Variants in FAM117B observed in about 807,000 individuals in gnomAD.
FAM117B encodes the protein family with sequence similarity 117 member B.
Under a neutral mutation model 52.8 loss-of-function variants are expected in FAM117B, and 22 were observed. The observed-to-expected ratio is 0.42, with a 90% confidence interval of 0.30 to 0.59. The LOEUF (loss-of-function observed/expected upper bound fraction) is 0.59. Ranked by LOEUF, FAM117B falls within the 20% of genes least tolerant of loss-of-function variation. The pLI is 0.22. For synonymous variants in FAM117B, 309 were observed against 324.1 expected (o/e 0.95, Z 0.50); for missense variants, 678 against 802.6 (o/e 0.84, Z 1.88).
intron 2 of FAM117B, among the ~76,000 whole-genome samples, chr2:202,713,609 A>G (rs1690990181): frequency 6.6e-6 from 1 of 151,816 alleles, no homozygotes; most frequent in Non-Finnish European, 1.5e-5. Context: ...TAGGTTGTTT[A>G]TTTCAAGTTT....
chr2:202,725,978 G>A (rs1031092378), intron 3 of FAM117B, among the ~76,000 whole-genome samples: 9 of 152,138 alleles, frequency 5.9e-5, no homozygotes, highest in Middle Eastern at 3.4e-3. Flanking sequence ...TTAATTCTTC[G>A]TGAAAACTGT....
chr2:202,642,344 A>AATATATATATATATATATATATATAT (rs59347439), intron 1 of FAM117B, among the ~76,000 whole-genome samples: 48 of 142,572 alleles, frequency 3.4e-4, no homozygotes, highest in African/African-American at 1.1e-3. Flanking sequence ...GAATAAATAG[A>AATATATATATATATATATATATATAT]ATATATATAT....
intron 1 of FAM117B, among the ~76,000 whole-genome samples, chr2:202,664,698 G>A (rs1391343745): frequency 6.6e-6 from 1 of 152,030 alleles, no homozygotes; most frequent in Admixed American, 6.6e-5. Context: ...CTTACCTTGA[G>A]TAATTTATCT....
Position 202,726,893 on chromosome 2 carries a change from C to T in FAM117B, c.960+530C>T, listed in dbSNP as rs557805535. ...GGCACATGGGTATGTATGTAACAAA[C>T]CTGCATGTTGTGCACATGTACCCTA... On this transcript the variant is annotated intron_variant, in intron 4 of 7. Transcript: ENST00000392238. Among the ~76,000 whole-genome samples the T allele has an allele frequency of 3.3e-5, 5 of 151,836 alleles. No homozygotes were observed. In the East Asian group the frequency reaches 9.7e-4, roughly 29 times the overall value.
chr2:202,678,294 G>C (rs1252709144), intron 1 of FAM117B, among the ~76,000 whole-genome samples: 2 of 152,174 alleles, frequency 1.3e-5, no homozygotes, highest in Non-Finnish European at 2.9e-5. Context: ...AGGAAACCCT[G>C]TGTGCGGTAG....
At chr2:202,750,614 A>G (rs1691707243) in intron 4 of FAM117B, among the ~76,000 whole-genome samples, 1 of 152,042 alleles carries the variant, frequency 6.6e-6, no homozygotes, top group South Asian at 2.1e-4. Context: ...TTTTGGGGGG[A>G]CACACACATC....
intron 2 of FAM117B, among the ~76,000 whole-genome samples, chr2:202,699,979 G>GT (rs1690773057): frequency 6.6e-6 from 1 of 152,118 alleles, no homozygotes; most frequent in Non-Finnish European, 1.5e-5. Flanking sequence ...ACTGTTAATT[G>GT]TTTTGAGGTG....
At chr2:202,745,004 G>T (rs1453764652) in intron 4 of FAM117B, among the ~76,000 whole-genome samples, 1 of 146,842 alleles carries the variant, frequency 6.8e-6, no homozygotes, top group Non-Finnish European at 1.5e-5. Context: ...AAAAAAGGCT[G>T]GGCATGGTCT....
chr2:202,701,240 A>T (rs998667654), intron 2 of FAM117B, among the ~76,000 whole-genome samples: 5 of 152,212 alleles, frequency 3.3e-5, no homozygotes, highest in Admixed American at 1.3e-4. Flanking sequence ...CAAAGCCTGG[A>T]TGCCAGCACG....
chr2:202,743,336 C>T lies in FAM117B; in HGVS notation c.961-12202C>T, dbSNP rs568334203. Among the ~76,000 whole-genome samples the T allele has an allele frequency of 6.6e-5, 10 of 152,186 alleles. No individual in the cohort carries two copies. The South Asian group carries it at 2.1e-3, about 32-fold the overall frequency. On this transcript the variant is annotated intron_variant, in intron 4 of 7. Coordinates refer to ENST00000392238, the MANE Select transcript of FAM117B (RefSeq NM_173511.4). The stretch of plus-strand genomic sequence containing the variant: ...TATAGAGACTACACTACTGCACCCA[C>T]CCAGAATCAAAGACAAAGCTACCCA...
At chr2:202,729,787 G>A (rs1432142346) in intron 4 of FAM117B, among the ~76,000 whole-genome samples, 2 of 152,100 alleles carry the variant, frequency 1.3e-5, no homozygotes, top group Non-Finnish European at 2.9e-5. Context: ...TAAGAGATTA[G>A]GCAGGATAGA....
intron 1 of FAM117B, among the ~76,000 whole-genome samples, chr2:202,675,748 G>A (rs1690368971): frequency 6.6e-6 from 1 of 152,100 alleles, no homozygotes; most frequent in Admixed American, 6.5e-5. Flanking sequence ...ATTCTGGGAG[G>A]CCGAGGTGGG....
intron 5 of FAM117B, 142 bp downstream of exon 5, chr2:202,755,823 G>C: frequency 1.2e-6 from 1 of 807,294 alleles, no homozygotes; most frequent in South Asian, 2.4e-5. Flanking sequence ...TCTTTGACCT[G>C]GGTGAGTGAA....
Position 202,765,846 on chromosome 2 carries a change from G to A in FAM117B, c.*82G>A. ...GATTCTGATGGCATCGTGCGCTTCT[G>A]GTCGGCTGTGATGTGCTCCAGCTTT... On this transcript the variant is annotated 3_prime_UTR_variant, in exon 8 of 8. Transcript: ENST00000392238. 7.1e-7 allele frequency: 1 copy of A among 1,410,388 alleles called. No homozygotes were observed. Among genetic ancestry groups the A allele is most frequent in the Non-Finnish European group, 9.7e-7 (1 of 1,035,628 alleles). The allele number at this position is 1,410,388 out of a possible 1,614,324, so 87.4% of individuals were successfully genotyped here. A position where few individuals can be genotyped will look rare whatever the true frequency, so the allele number is the denominator to read the frequency against.
intron 4 of FAM117B, among the ~76,000 whole-genome samples, chr2:202,748,659 A>G (rs1443826838): frequency 1.3e-5 from 2 of 152,186 alleles, no homozygotes; most frequent in Non-Finnish European, 2.9e-5. Flanking sequence ...GTCTGACTAG[A>G]CATTTCTCAA....
chr2:202,726,174 G>A, intron 3 of FAM117B, 76 bp from the exon 4 acceptor site: 1 of 946,678 alleles, frequency 1.1e-6, no homozygotes, highest in African/African-American at 1.6e-5. Context: ...AGTTTTACTG[G>A]TTCTTATTAA....
intron 2 of FAM117B, among the ~76,000 whole-genome samples, chr2:202,700,199 G>C (rs1690776937): frequency 6.6e-6 from 1 of 152,176 alleles, no homozygotes; most frequent in African/African-American, 2.4e-5. Context: ...TCAATCAAAA[G>C]CTAGACATGA....
chr2:202,668,336 G>A (rs2105764496), intron 1 of FAM117B, among the ~76,000 whole-genome samples: 1 of 148,006 alleles, frequency 6.8e-6, no homozygotes, highest in East Asian at 1.9e-4. Context: ...GGCTGAGGTG[G>A]GAGGATGGCT....
chr2:202,737,096 G>C lies in FAM117B; in HGVS notation c.960+10733G>C, dbSNP rs77300906. Among the ~76,000 whole-genome samples the C allele has an allele frequency of 1.6e-3, 248 of 152,078 alleles. 1 individual carries two copies. The highest frequency in any genetic ancestry group is 5.5e-3 in the African/African-American group (226 of 41,458). ...CTCTAAAAGACAGGAAGCTGACTGG[G>C]CTAGTCAGTTGACTTCATCTATAAC... On this transcript the variant is annotated intron_variant, in intron 4 of 7. Transcript: ENST00000392238.
Sources: gnomAD v4.1 joint callset for allele counts (sites outside exome capture counted in the v4.1 genomes callset) on GRCh38, gnomAD v4.1.1 for gene constraint, MANE v1.5 for transcripts, NCBI Gene and HGNC (gene_info 2026-07-23, HGNC 2026-07-21) for gene names.